The following JPT2 variants were observed in gnomAD, a reference collection of about 807,000 sequenced individuals.
The protein encoded by JPT2 is CRAMP_1 like.
Under a neutral mutation model 15.9 loss-of-function variants are expected in JPT2, and 9 were observed. That is an observed-to-expected ratio of 0.57 (90% CI 0.34 to 0.99). The LOEUF (loss-of-function observed/expected upper bound fraction) is 0.99, where lower values mean the gene tolerates loss of function less well. Ranked by LOEUF, JPT2 falls within the 50% of genes least tolerant of loss-of-function variation. The pLI is 0.02. For missense variants in JPT2, 267 were observed against 252.1 expected (o/e 1.06, Z -0.40); for synonymous variants, 95 against 91.7 (o/e 1.04, Z -0.21).
intron 1 of JPT2, among the ~76,000 whole-genome samples, chr16:1,682,307 G>A (rs372820877): frequency 1.1e-3 from 163 of 152,190 alleles, no homozygotes; most frequent in African/African-American, 3.8e-3. Context: ...AACCTGGGAG[G>A]TGGAGGTTGC....
At chr16:1,680,866 G>A (rs968788104) in intron 1 of JPT2, among the ~76,000 whole-genome samples, 5 of 152,060 alleles carry the variant, frequency 3.3e-5, no homozygotes, top group Admixed American at 1.3e-4. Flanking sequence ...TCTGAAACTC[G>A]GGGACAAACT....
In JPT2 at chr16:1,700,229, G is replaced by A; in HGVS notation, c.*1231G>A. ...GGAGATGAAGGAGTTCAGTAGCAAA[G>A]TCACACCTGTCCAATTCCCTGAGCT... On this transcript the variant is annotated 3_prime_UTR_variant, in exon 5 of 5. Transcript: ENST00000248098. 1 of 452,828 alleles carries A rather than the reference G, an allele frequency of 2.2e-6. No individual in the cohort carries two copies. The highest frequency in any genetic ancestry group is 4.5e-6 in the Non-Finnish European group (1 of 224,186). The allele number at this position is 452,828 out of a possible 1,614,324, so 28.1% of individuals were successfully genotyped here.
At position 1,698,827 on chromosome 16, in the gene JPT2, G is replaced by A. The variant is rs765778480; in HGVS notation, c.402G>A (p.Pro134=). ...GTCCCACAGCTGCAAGGAGCATCCCGGCTGGAGCAGAGCCAGGTGAGAAAG... is the reference window on the plus strand; with the variant it reads ...GTCCCACAGCTGCAAGGAGCATCCCAGCTGGAGCAGAGCCAGGTGAGAAAG... ...KSDLKAARSI[P]AGAEPGEKGS... is the part of the protein sequence containing the mutation. Residue 134 remains proline, a synonymous_variant, in exon 5 of 5, where the codon CCG becomes CCA. Transcript: ENST00000248098. This position sits in a 1 kb window ranked among gnomAD's most constrained non-coding sequence, Gnocchi z 4.9. 23 of 1,612,862 alleles carry A rather than the reference G, an allele frequency of 1.4e-5. No individual in the cohort carries two copies. The highest frequency in any genetic ancestry group is 8.9e-5 in the East Asian group (4 of 44,890).
rs915606387 is a variant in JPT2 at position 1,701,010 on chromosome 16, C to G, written c.*2012C>G. The G allele has an allele frequency of 3.9e-5, 6 of 152,254 alleles. No individual in the cohort carries two copies. The highest frequency in any genetic ancestry group is 1.4e-4 in the African/African-American group (6 of 41,448). The allele number at this position is 152,254 out of a possible 1,614,324, so 9.4% of individuals were successfully genotyped here. Reference sequence around the variant, plus strand: ...GGAGCCCCTGACATTACTCTTCTTGCATCTGTCCTGCCTTCTTTCCCTCTG... The same window carrying G: ...GGAGCCCCTGACATTACTCTTCTTGGATCTGTCCTGCCTTCTTTCCCTCTG... On this transcript the variant is annotated 3_prime_UTR_variant, in exon 5 of 5. Coordinates refer to ENST00000248098, the MANE Select transcript of JPT2 (RefSeq NM_144570.3).
intron 1 of JPT2, among the ~76,000 whole-genome samples, chr16:1,683,862 C>G (rs1555501846): frequency 6.6e-6 from 1 of 152,098 alleles, no homozygotes; most frequent in Non-Finnish European, 1.5e-5. Flanking sequence ...ATGTTGAGCC[C>G]TGTAATTTCA....
At chr16:1,687,382 C>T (rs1466906259) in intron 2 of JPT2, among the ~76,000 whole-genome samples, 4 of 152,128 alleles carry the variant, frequency 2.6e-5, no homozygotes, top group East Asian at 1.9e-4. Flanking sequence ...CTAACATTCT[C>T]GTTGTTTCCG....
intron 1 of JPT2, 70 bp from the exon 2 acceptor site, chr16:1,685,369 C>G: frequency 1.3e-6 from 2 of 1,543,356 alleles, no homozygotes; most frequent in East Asian, 4.5e-5. Context: ...TCTAGTTGTG[C>G]CAAAATCCTT....
At position 1,701,962 on chromosome 16, in the gene JPT2, C is replaced by T. The variant is rs2037183120; in HGVS notation, c.*2964C>T. On this transcript the variant is annotated 3_prime_UTR_variant, in exon 5 of 5. Coordinates refer to ENST00000248098, the MANE Select transcript of JPT2 (RefSeq NM_144570.3). ...GAGGCTGAGTGAGGCAGGAGGATCA[C>T]TTGAGACCAGGAGGTTGTGGCTGTA... The T allele has an allele frequency of 2.8e-6, 1 of 353,478 alleles. No homozygotes were observed. Among genetic ancestry groups the T allele is most frequent in the African/African-American group, 2.1e-5 (1 of 47,140 alleles). 21.9% of individuals were successfully genotyped at this position (353,478 alleles called of 1,614,324 possible).
At position 1,699,559 on chromosome 16, in the gene JPT2, A is replaced by AAAT; in HGVS notation, c.*569_*571dup. The AAAT allele has an allele frequency of 6.1e-6, 2 of 328,232 alleles. No individual in the cohort carries two copies. The highest frequency in any genetic ancestry group is 1.2e-5 in the Non-Finnish European group (2 of 165,116). 20.3% of individuals were successfully genotyped at this position (328,232 alleles called of 1,614,324 possible). On this transcript the variant is annotated 3_prime_UTR_variant, in exon 5 of 5. Coordinates refer to ENST00000248098, the MANE Select transcript of JPT2 (RefSeq NM_144570.3). ...TTTCCTCGGCAGCTTTCAAAAAACC[A>AAAT]AATAATAATAGTTATCCGTCTTCTA...
At chr16:1,691,560 G>A (rs1401365483) in intron 2 of JPT2, among the ~76,000 whole-genome samples, 1 of 152,156 alleles carries the variant, frequency 6.6e-6, no homozygotes, top group Non-Finnish European at 1.5e-5. Flanking sequence ...AAATTCTAGA[G>A]GGAAAATCTG....
At position 1,701,803 on chromosome 16, in the gene JPT2, A is replaced by T. The variant is rs896099611; in HGVS notation, c.*2805A>T. On this transcript the variant is annotated 3_prime_UTR_variant, in exon 5 of 5. Transcript: ENST00000248098. ...GTAGTCTTTGGGTCTTTGGGAGGCCAGGGTGGGAGGATCACTTGAGCTCAG... is the reference window on the plus strand; with the variant it reads ...GTAGTCTTTGGGTCTTTGGGAGGCCTGGGTGGGAGGATCACTTGAGCTCAG... The T allele has an allele frequency of 5.2e-6, 1 of 191,880 alleles. No homozygotes were observed. The highest frequency in any genetic ancestry group is 5.2e-5 in the Admixed American group (1 of 19,152). The allele number at this position is 191,880 out of a possible 1,614,324, so 11.9% of individuals were successfully genotyped here.
rs1358171641 is a variant in JPT2 at position 1,700,548 on chromosome 16, G to A, written c.*1550G>A. On this transcript the variant is annotated 3_prime_UTR_variant, in exon 5 of 5. Coordinates refer to ENST00000248098, the MANE Select transcript of JPT2 (RefSeq NM_144570.3). ...AGTGCCTGCAGGAGCCGCCTGCCAAGCTCCCCTTCCTACACCTGGCACACT... is the reference window on the plus strand; with the variant it reads ...AGTGCCTGCAGGAGCCGCCTGCCAAACTCCCCTTCCTACACCTGGCACACT... 1 of 184,488 alleles carries A rather than the reference G, an allele frequency of 5.4e-6. No homozygotes were observed. Among genetic ancestry groups the A allele is most frequent in the African/African-American group, 2.3e-5 (1 of 43,542 alleles). 11.4% of individuals were successfully genotyped at this position (184,488 alleles called of 1,614,324 possible). A position where few individuals can be genotyped will look rare whatever the true frequency, so the allele number is the denominator to read the frequency against.
intron 1 of JPT2, among the ~76,000 whole-genome samples, chr16:1,679,836 C>T (rs2037007151): frequency 6.6e-6 from 1 of 152,004 alleles, no homozygotes; most frequent in South Asian, 2.1e-4. Context: ...GCAGGTGGAC[C>T]ACGAGATCAG....
intron 1 of JPT2, among the ~76,000 whole-genome samples, chr16:1,682,085 C>T (rs186140505): frequency 5.6e-4 from 85 of 152,290 alleles, no homozygotes; most frequent in East Asian, 1.9e-4. Context: ...CAAGAAAAAT[C>T]GCAGAATTGG....
intron 1 of JPT2, 95 bp from the exon 2 acceptor site, chr16:1,685,344 A>G (rs1052221781): frequency 1.6e-5 from 21 of 1,347,314 alleles, no homozygotes; most frequent in Admixed American, 4.5e-5. Flanking sequence ...AAAAAAACAA[A>G]ATACTTTTAC....
rs1356781337 is a variant in JPT2, at chr16:1,698,922, G to A, written c.497G>A (p.Arg166Gln). The change falls in exon 5 of 5, where the codon CGG becomes CAG. Residue 166 changes from arginine (R) to glutamine (Q), a missense_variant. Physicochemically the swap from Arg to Gln is conservative, Grantham distance 43. Coordinates refer to ENST00000248098, the MANE Select transcript of JPT2 (RefSeq NM_144570.3). The surrounding 1 kb of genome is among the most constrained non-coding windows in gnomAD (Gnocchi z 4.9). ...PMPTVDSHEPRLGPRPRSHNK... is the reference protein window; with the variant it reads ...PMPTVDSHEPQLGPRPRSHNK... ...CCCACAGTCGACAGCCATGAGCCCC[G>A]GCTGGGGCCGCGGCCTCGCTCTCAC... 3.7e-6 allele frequency: 6 copies of A among 1,614,100 alleles called. No individual in the cohort carries two copies. Among genetic ancestry groups the A allele is most frequent in the Middle Eastern group, 1.6e-4 (1 of 6,084 alleles).
chr16:1,695,234 C>T (rs950711492), intron 3 of JPT2, among the ~76,000 whole-genome samples: 5 of 152,026 alleles, frequency 3.3e-5, no homozygotes, highest in Non-Finnish European at 7.4e-5. Context: ...GGAGAAACCC[C>T]GTCTCTACTA....
chr16:1,680,361 T>C, intron 1 of JPT2: 1 of 1,012,566 alleles, frequency 9.9e-7, no homozygotes, highest in Non-Finnish European at 1.2e-6. Flanking sequence ...GCTCCAGAAG[T>C]TAGCTGCACA....
In JPT2 at chr16:1,681,661, G is replaced by A. The variant is rs565780170; in HGVS notation, c.44+3305G>A. ...ACCTGTGCAGAGCTCTAGCTTTCCT[G>A]TTTAAACTTGAAGCTCCTCCGGGGT... On this transcript the variant is annotated intron_variant, in intron 1 of 4. Coordinates refer to ENST00000248098, the MANE Select transcript of JPT2 (RefSeq NM_144570.3). Among the ~76,000 whole-genome samples, 7 of 152,288 alleles carry A rather than the reference G, an allele frequency of 4.6e-5. No individual in the cohort carries two copies. The South Asian group carries it at 1.5e-3, about 32-fold the overall frequency.
Sources: gnomAD v4.1 joint callset for allele counts (sites outside exome capture counted in the v4.1 genomes callset) on GRCh38, gnomAD v4.1.1 for gene constraint, Gnocchi (gnomAD v3.1) non-coding constraint, MANE v1.5 for transcripts, NCBI Gene and HGNC (gene_info 2026-07-23, HGNC 2026-07-21) for gene names.